The following EEIG2 variants were observed in gnomAD, a reference collection of about 807,000 sequenced individuals.
EEIG2 encodes family with sequence similarity 102 member B.
the EEIG2 span, among the ~76,000 whole-genome samples, chr1:108,578,679 C>A: frequency 6.6e-6 from 1 of 151,850 alleles, no homozygotes; most frequent in Non-Finnish European, 1.5e-5. Context: ...ATGTTAAGGG[C>A]AGCCAGAGAG....
the EEIG2 span, chr1:108,616,234 A>G: frequency 2.6e-4 from 168 of 638,360 alleles, no homozygotes; most frequent in Non-Finnish European, 3.8e-4. Flanking sequence ...GGCTCAAACA[A>G]TCCTCCTGCC....
At chr1:108,623,649 C>G in the EEIG2 span, among the ~76,000 whole-genome samples, 1 of 152,050 alleles carries the variant, frequency 6.6e-6, no homozygotes, top group Non-Finnish European at 1.5e-5. Flanking sequence ...AATGTATATA[C>G]CTATTATGTA....
the EEIG2 span, chr1:108,628,912 TGTATA>T: frequency 1.1e-6 from 1 of 936,182 alleles, no homozygotes; most frequent in East Asian, 2.7e-5. Context: ...GTTGCATATT[TGTATA>T]GTAAATTTCA....
At chr1:108,635,565 T>C in the EEIG2 span, 227 of 160,032 alleles carry the variant, frequency 1.4e-3, no homozygotes, top group African/African-American at 5.1e-3. Context: ...AGACAGTACA[T>C]GAATATAACT....
chr1:108,616,364 T>G, the EEIG2 span: 3 of 1,554,512 alleles, frequency 1.9e-6, no homozygotes, highest in Non-Finnish European at 2.6e-6. Context: ...ATCGTGATAT[T>G]TCTTGTTTTA....
At chr1:108,633,776 T>C in the EEIG2 span, among the ~76,000 whole-genome samples, 1 of 152,186 alleles carries the variant, frequency 6.6e-6, no homozygotes, top group Non-Finnish European at 1.5e-5. Flanking sequence ...GTTTACAGTT[T>C]TCATCAAATC....
chr1:108,579,800 A>AGAGAGAGAG, the EEIG2 span, among the ~76,000 whole-genome samples: 12 of 149,330 alleles, frequency 8.0e-5, no homozygotes, highest in South Asian at 2.2e-4. Context: ...AGAGAGAAAG[A>AGAGAGAGAG]AACCCACTCT....
the EEIG2 span, among the ~76,000 whole-genome samples, chr1:108,599,795 C>T: frequency 2.6e-5 from 4 of 152,186 alleles, no homozygotes; most frequent in Non-Finnish European, 4.4e-5. Context: ...AGTTCAAGAC[C>T]AGCCTGGACA....
chr1:108,582,768 T>C, the EEIG2 span, among the ~76,000 whole-genome samples: 1 of 152,122 alleles, frequency 6.6e-6, no homozygotes, highest in Non-Finnish European at 1.5e-5. Context: ...TGTCCTGCTT[T>C]GGGGTAGGAC....
chr1:108,597,933 G>T, the EEIG2 span, among the ~76,000 whole-genome samples: 4 of 152,172 alleles, frequency 2.6e-5, no homozygotes, highest in African/African-American at 9.7e-5. Context: ...ACCCTGAAGG[G>T]TCCAGGACAT....
At chr1:108,613,706 A>C in the EEIG2 span, among the ~76,000 whole-genome samples, 1 of 151,952 alleles carries the variant, frequency 6.6e-6, no homozygotes, top group African/African-American at 2.4e-5. Flanking sequence ...TCTCGCTCCT[A>C]TCCATTGATG....
the EEIG2 span, among the ~76,000 whole-genome samples, chr1:108,582,744 C>CT: frequency 9.2e-5 from 14 of 152,140 alleles, no homozygotes; most frequent in Admixed American, 4.6e-4. Flanking sequence ...CAGCAAAGAT[C>CT]TTCAGGGTAG....
chr1:108,566,721 A>T, the EEIG2 span, among the ~76,000 whole-genome samples: 1 of 152,144 alleles, frequency 6.6e-6, no homozygotes, highest in Non-Finnish European at 1.5e-5. Context: ...AAATCCTGTC[A>T]TTTGTGACAA....
At chr1:108,635,080 T>C in the EEIG2 span, 2 of 1,613,750 alleles carry the variant, frequency 1.2e-6, no homozygotes, top group Non-Finnish European at 1.7e-6. Flanking sequence ...GCTCAAAATT[T>C]TGAAGTTTTT....
chr1:108,576,442 C>T, the EEIG2 span, among the ~76,000 whole-genome samples: 1 of 118,442 alleles, frequency 8.4e-6, no homozygotes, highest in Non-Finnish European at 1.7e-5. Flanking sequence ...GCTATCCCTC[C>T]CCCCTCCCCC....
the EEIG2 span, chr1:108,624,734 A>G: frequency 6.2e-7 from 1 of 1,613,906 alleles, no homozygotes; most frequent in South Asian, 1.1e-5. Flanking sequence ...CTCAAAGTGC[A>G]TCTTGGAATA....
the EEIG2 span, chr1:108,629,949 TAGAAA>T: frequency 2.8e-6 from 1 of 354,016 alleles, no homozygotes; most frequent in Non-Finnish European, 5.2e-6. Context: ...AAAGGACACT[TAGAAA>T]AGAGTTCTTA....
chr1:108,616,124 CTTT>C, the EEIG2 span, among the ~76,000 whole-genome samples: 24 of 129,752 alleles, frequency 1.8e-4, no homozygotes, highest in East Asian at 2.2e-4. Flanking sequence ...CCCACTTCTT[CTTT>C]TTTTTTTTTT....
chr1:108,600,552 T>C, the EEIG2 span: 1 of 1,609,236 alleles, frequency 6.2e-7, no homozygotes, highest in Admixed American at 1.7e-5. Flanking sequence ...TGGCTCTTTT[T>C]TTCTTTCCTT....
Sources: gnomAD v4.1 joint callset for allele counts (sites outside exome capture counted in the v4.1 genomes callset) on GRCh38, gnomAD v4.1.1 for gene constraint, MANE v1.5 for transcripts, NCBI Gene and HGNC (gene_info 2026-07-23, HGNC 2026-07-21) for gene names.